The following VAT1L variants were observed in gnomAD, a reference collection of about 807,000 sequenced individuals.
VAT1L encodes vesicle amine transport 1 like.
VAT1L carries 34 observed loss-of-function variants against 44.1 expected under a neutral mutation model. That is an observed-to-expected ratio of 0.77 (90% CI 0.59 to 1.03). VAT1L has a LOEUF of 1.03. VAT1L is among the 50% of genes least tolerant of loss of function. The probability of loss-of-function intolerance (pLI) is 0.00; values close to 1 mark genes in which losing one functional copy is unlikely to be tolerated. For synonymous variants in VAT1L, 253 were observed against 202.2 expected (o/e 1.25, Z -2.13); for missense variants, 615 against 538.8 (o/e 1.14, Z -1.40).
Position 77,879,266 on chromosome 16 carries a change from G to T in VAT1L, c.882+42G>T. 1 of 1,587,044 alleles carries T rather than the reference G, an allele frequency of 6.3e-7. No individual in the cohort carries two copies. The highest frequency in any genetic ancestry group is 1.1e-5 in the South Asian group (1 of 90,134). On this transcript the variant is annotated intron_variant, in intron 6 of 8. Coordinates refer to ENST00000302536, the MANE Select transcript of VAT1L (RefSeq NM_020927.3). This position sits in a 1 kb window ranked among gnomAD's most constrained non-coding sequence, Gnocchi z 4.1. Reference sequence around the variant, plus strand: ...ATCTGATGTACTGTGGTGGCATGTTGATTCACATGTTGAGAGCTTTGTTTT... The same window carrying T: ...ATCTGATGTACTGTGGTGGCATGTTTATTCACATGTTGAGAGCTTTGTTTT...
At chr16:77,878,573 T>C (rs892214775) in intron 5 of VAT1L, among the ~76,000 whole-genome samples, 2 of 151,932 alleles carry the variant, frequency 1.3e-5, no homozygotes, top group Non-Finnish European at 2.9e-5. Flanking sequence ...GCTTGTCCAA[T>C]TGGCAAAACT....
rs138146440 is a variant in VAT1L at position 77,827,125 on chromosome 16, C to A, written c.579+1664C>A. Among the ~76,000 whole-genome samples the A allele has an allele frequency of 6.8e-4, 103 of 152,234 alleles. No homozygotes were observed. In the Middle Eastern group the frequency reaches 0.014, roughly 20 times the overall value. ...TTTTAGCAAATTTGCTGATACCTTT[C>A]GACCATGAATAAAGACATATAAAAG... is the stretch of plus-strand genomic sequence containing the variant. On this transcript the variant is annotated intron_variant, in intron 3 of 8. Coordinates refer to ENST00000302536, the MANE Select transcript of VAT1L (RefSeq NM_020927.3).
At chr16:77,793,524 G>T (rs958389498) in intron 1 of VAT1L, among the ~76,000 whole-genome samples, 1 of 152,150 alleles carries the variant, frequency 6.6e-6, no homozygotes, top group Non-Finnish European at 1.5e-5. Context: ...CTCTTAGACC[G>T]GGGCTGCTAG....
At chr16:77,976,187 C>G (rs1441045200) in intron 8 of VAT1L, among the ~76,000 whole-genome samples, 9 of 152,314 alleles carry the variant, frequency 5.9e-5, no homozygotes, top group Admixed American at 5.2e-4. Flanking sequence ...CCCGTGGTGT[C>G]TACCGTTTGG....
At chr16:77,886,571 T>C (rs936026858) in intron 7 of VAT1L, among the ~76,000 whole-genome samples, 2 of 152,302 alleles carry the variant, frequency 1.3e-5, no homozygotes, top group Non-Finnish European at 1.5e-5. Context: ...ACCAAACATT[T>C]ACTGAACAAC....
chr16:77,890,018 T>A (rs1597085025), intron 7 of VAT1L, among the ~76,000 whole-genome samples: 1 of 151,824 alleles, frequency 6.6e-6, no homozygotes, highest in South Asian at 2.1e-4. Context: ...ACCCGGGAGG[T>A]GGAGGTTGTA....
At chr16:77,804,603 C>T (rs1367381897) in intron 1 of VAT1L, among the ~76,000 whole-genome samples, 1 of 152,148 alleles carries the variant, frequency 6.6e-6, no homozygotes, top group Admixed American at 6.5e-5. Context: ...CAAGTCACTT[C>T]CTCCCTCCTC....
At chr16:77,789,062 C>T (rs2015784382) in intron 1 of VAT1L, 147 bp downstream of exon 1, 4 of 1,006,794 alleles carry the variant, frequency 4.0e-6, no homozygotes, top group African/African-American at 1.7e-5. Flanking sequence ...AGAGCCTCCC[C>T]GGGCCAAAGC....
intron 8 of VAT1L, among the ~76,000 whole-genome samples, chr16:77,976,614 T>G (rs910941883): frequency 3.3e-5 from 5 of 152,174 alleles, no homozygotes; most frequent in African/African-American, 1.2e-4. Context: ...AAAAGAAATC[T>G]GAGGCACAGA....
intron 7 of VAT1L, among the ~76,000 whole-genome samples, chr16:77,935,092 A>C (rs908456244): frequency 3.8e-4 from 58 of 152,280 alleles, no homozygotes; most frequent in African/African-American, 1.4e-3. Flanking sequence ...TCTGACCCAC[A>C]AAATGCACTT....
intron 7 of VAT1L, among the ~76,000 whole-genome samples, chr16:77,934,457 A>G (rs2017768687): frequency 6.6e-6 from 1 of 150,938 alleles, no homozygotes; most frequent in African/African-American, 2.4e-5. Flanking sequence ...TCCAAAAAAC[A>G]AACAAACAAA....
intron 6 of VAT1L, chr16:77,882,173 A>G (rs1342496328): frequency 1.3e-5 from 2 of 152,340 alleles, no homozygotes; most frequent in Non-Finnish European, 1.5e-5. Flanking sequence ...CTTTGCTCTG[A>G]AAAGTCCTAG....
intron 3 of VAT1L, among the ~76,000 whole-genome samples, chr16:77,860,741 C>T (rs2016906967): frequency 6.6e-6 from 1 of 152,158 alleles, no homozygotes; most frequent in Non-Finnish European, 1.5e-5. Context: ...ATCTAGAAGG[C>T]AGGAGAATTA....
intron 3 of VAT1L, among the ~76,000 whole-genome samples, chr16:77,833,296 A>T (rs2016600664): frequency 1.3e-5 from 2 of 152,196 alleles, no homozygotes; most frequent in African/African-American, 4.8e-5. Flanking sequence ...TACACCAGGG[A>T]GATACAAGGT....
rs906621930 is a variant in VAT1L at position 77,879,116 on chromosome 16, G to T, written c.827-53G>T. On this transcript the variant is annotated intron_variant, in intron 5 of 8. Coordinates refer to ENST00000302536, the MANE Select transcript of VAT1L (RefSeq NM_020927.3). This position sits in a 1 kb window ranked among gnomAD's most constrained non-coding sequence, Gnocchi z 4.1. ...TTGCCATTTTTTTCATGCATAACAA[G>T]AGATGTCCATTTTCATTAGCAATTG... 5 of 1,580,078 alleles carry T rather than the reference G, an allele frequency of 3.2e-6. No individual in the cohort carries two copies. Among genetic ancestry groups the T allele is most frequent in the Non-Finnish European group, 4.3e-6 (5 of 1,149,754 alleles).
intron 4 of VAT1L, among the ~76,000 whole-genome samples, chr16:77,866,415 C>A (rs1479825350): frequency 6.6e-6 from 1 of 151,400 alleles, no homozygotes; most frequent in Non-Finnish European, 1.5e-5. Context: ...TAGCACATTG[C>A]GTGAAAAAAG....
chr16:77,930,646 G>A (rs2017721039), intron 7 of VAT1L, among the ~76,000 whole-genome samples: 2 of 152,160 alleles, frequency 1.3e-5, no homozygotes, highest in South Asian at 4.2e-4. Flanking sequence ...TCATCATTTG[G>A]TGGTTGGATA....
Position 77,825,459 on chromosome 16 carries a change from G to A in VAT1L, c.577G>A (p.Val193Met), listed in dbSNP as rs765788361. The change falls in exon 3 of 9, where the codon GTG becomes ATG. Residue 193 changes from valine to methionine, a missense_variant and splice_region_variant. Physicochemically the swap from Val to Met is conservative, Grantham distance 21. Coordinates refer to ENST00000302536, the MANE Select transcript of VAT1L (RefSeq NM_020927.3). ...GCTCGTGCACTCAGCTGGTGGGGGC[G>A]TGGTAAGTCAGCTGTTTGTAACTTC... ...SVLVHSAGGG[V>M]GQAVAQLCST... 56 of 1,578,770 alleles carry A rather than the reference G, an allele frequency of 3.5e-5. No homozygotes were observed. The highest frequency in any genetic ancestry group is 5.4e-5 in the African/African-American group (4 of 74,354).
chr16:77,825,434 G>A lies in VAT1L; in HGVS notation c.552G>A (p.Val184=), dbSNP rs1436381697. 3.1e-6 allele frequency: 5 copies of A among 1,601,506 alleles called. No homozygotes were observed. The highest frequency in any genetic ancestry group is 4.3e-6 in the Non-Finnish European group (5 of 1,173,294). Residue 184 remains valine, a synonymous_variant, in exon 3 of 9, where the codon GTG becomes GTA. Transcript: ENST00000302536. ...CCAACCTCCGGGAAGGGATGTCTGT[G>A]CTCGTGCACTCAGCTGGTGGGGGCG... ...EVANLREGMS[V]LVHSAGGGVG...
Sources: gnomAD v4.1 joint callset for allele counts (sites outside exome capture counted in the v4.1 genomes callset) on GRCh38, gnomAD v4.1.1 for gene constraint, Gnocchi (gnomAD v3.1) non-coding constraint, MANE v1.5 for transcripts, NCBI Gene and HGNC (gene_info 2026-07-23, HGNC 2026-07-21) for gene names.